The following PDE1A variants were observed in gnomAD, a reference collection of about 807,000 sequenced individuals.
The protein encoded by PDE1A is dual specificity calcium/calmodulin-dependent 3',5'-cyclic nucleotide phosphodiesterase 1A.
Under a neutral mutation model 61.7 loss-of-function variants are expected in PDE1A, and 35 were observed. That is an observed-to-expected ratio of 0.57 (90% CI 0.43 to 0.75). The LOEUF (loss-of-function observed/expected upper bound fraction) is 0.75. PDE1A is among the 30% of genes least tolerant of loss of function. The pLI, the probability that PDE1A is intolerant of heterozygous loss-of-function variation, is 0.00. For missense variants in PDE1A, 597 were observed against 630.6 expected (o/e 0.95, Z 0.57); for synonymous variants, 232 against 213.2 (o/e 1.09, Z -0.77).
At chr2:182,300,234 T>A (rs1695151863) in intron 1 of PDE1A, among the ~76,000 whole-genome samples, 1 of 152,164 alleles carries the variant, frequency 6.6e-6, no homozygotes, top group Admixed American at 6.5e-5. Context: ...AAGCCTAATA[T>A]AACAAATATA....
At chr2:182,489,564 A>G (rs1688249112) in intron 2 of PDE1A, among the ~76,000 whole-genome samples, 1 of 152,156 alleles carries the variant, frequency 6.6e-6, no homozygotes, top group Admixed American at 6.5e-5. Flanking sequence ...GTAAGAAGTG[A>G]TTGGATTCTA....
chr2:182,288,618 C>T (rs193213916), intron 1 of PDE1A, among the ~76,000 whole-genome samples: 63 of 152,136 alleles, frequency 4.1e-4, no homozygotes, highest in Middle Eastern at 3.4e-3. Flanking sequence ...CTGTGGAAGA[C>T]ACCACAGAAA....
At chr2:182,462,665 A>G (rs1056781274) in intron 2 of PDE1A, among the ~76,000 whole-genome samples, 4 of 152,112 alleles carry the variant, frequency 2.6e-5, no homozygotes, top group Admixed American at 2.6e-4. Context: ...GGGAAAAAAA[A>G]GGGTGTAAGC....
intron 13 of PDE1A, among the ~76,000 whole-genome samples, chr2:182,152,113 T>A (rs771189028): frequency 1.3e-5 from 2 of 152,224 alleles, no homozygotes; most frequent in Non-Finnish European, 2.9e-5. Context: ...CACTGCATTC[T>A]TATTTTTTCA....
At chr2:182,153,387 A>G (rs1373973527) in intron 13 of PDE1A, among the ~76,000 whole-genome samples, 2 of 152,220 alleles carry the variant, frequency 1.3e-5, no homozygotes, top group African/African-American at 4.8e-5. Context: ...GTTGAAAAGA[A>G]AAATGATATG....
At chr2:182,681,535 T>C in the PDE1A span, among the ~76,000 whole-genome samples, 1 of 148,844 alleles carries the variant, frequency 6.7e-6, no homozygotes, top group Non-Finnish European at 1.5e-5. Flanking sequence ...CTTTGAACAC[T>C]ACAGTGATGT....
intron 1 of PDE1A, among the ~76,000 whole-genome samples, chr2:182,421,703 A>G (rs572318588): frequency 6.6e-6 from 1 of 152,286 alleles, no homozygotes; most frequent in South Asian, 2.1e-4. Flanking sequence ...TACTTTTATC[A>G]CAACTGGAAA....
At chr2:182,356,246 A>G (rs942393851) in intron 1 of PDE1A, among the ~76,000 whole-genome samples, 30 of 152,188 alleles carry the variant, frequency 2.0e-4, no homozygotes, top group African/African-American at 7.2e-4. Flanking sequence ...GGAATTCAAG[A>G]AAGAAGACAT....
the PDE1A span, among the ~76,000 whole-genome samples, chr2:182,625,599 A>C: frequency 6.6e-6 from 1 of 152,200 alleles, no homozygotes; most frequent in African/African-American, 2.4e-5. Flanking sequence ...GAATGGATGG[A>C]TACAAGACCA....
At chr2:182,705,528 C>T in the PDE1A span, among the ~76,000 whole-genome samples, 42 of 151,440 alleles carry the variant, frequency 2.8e-4, no homozygotes, top group Non-Finnish European at 5.9e-5. Flanking sequence ...TTTTGGGGGA[C>T]GGAATCTCGC....
At chr2:182,208,435 G>A (rs1285429656) in intron 7 of PDE1A, among the ~76,000 whole-genome samples, 1 of 152,100 alleles carries the variant, frequency 6.6e-6, no homozygotes, top group Non-Finnish European at 1.5e-5. Context: ...GAACAGCATG[G>A]GAGAAGCTGT....
At chr2:182,408,065 T>C (rs1702402309) in intron 1 of PDE1A, among the ~76,000 whole-genome samples, 2 of 149,096 alleles carry the variant, frequency 1.3e-5, no homozygotes, top group Non-Finnish European at 3.0e-5. Context: ...GTGATGATAA[T>C]AAAAAGGAGA....
chr2:182,431,216 T>C (rs1703935057), upstream of PDE1A, among the ~76,000 whole-genome samples: 1 of 151,378 alleles, frequency 6.6e-6, no homozygotes, highest in Non-Finnish European at 1.5e-5. Context: ...ATGATTAGAG[T>C]ACCTCACACA....
At chr2:182,296,838 T>C (rs1345342420) in intron 1 of PDE1A, among the ~76,000 whole-genome samples, 2 of 152,188 alleles carry the variant, frequency 1.3e-5, no homozygotes, top group African/African-American at 2.4e-5. Flanking sequence ...CATCAATCCA[T>C]TGAAGGCCTG....
chr2:182,424,470 T>C (rs1703479955), intron 1 of PDE1A, among the ~76,000 whole-genome samples: 1 of 152,108 alleles, frequency 6.6e-6, no homozygotes, highest in Non-Finnish European at 1.5e-5. Flanking sequence ...CATGGGTCTC[T>C]GAAAAGTCAG....
At chr2:182,186,158 A>G in intron 12 of PDE1A, 79 bp from the exon 13 acceptor site, 1 of 1,459,182 alleles carries the variant, frequency 6.9e-7, no homozygotes, top group Admixed American at 2.1e-5. Context: ...AACTTTACAA[A>G]ACCGACTAGA....
At chr2:182,217,890 A>G (rs1266280569) in intron 7 of PDE1A, among the ~76,000 whole-genome samples, 1 of 152,038 alleles carries the variant, frequency 6.6e-6, no homozygotes, top group Non-Finnish European at 1.5e-5. Flanking sequence ...AACTGGAAAT[A>G]CCATTCGACC....
the PDE1A span, among the ~76,000 whole-genome samples, chr2:182,671,495 C>T: frequency 6.7e-6 from 1 of 149,622 alleles, no homozygotes; most frequent in Non-Finnish European, 1.5e-5. Context: ...GCCTGGATCA[C>T]GCTTTTGAGT....
chr2:182,314,508 C>T (rs1317603157), intron 1 of PDE1A: 1 of 152,152 alleles, frequency 6.6e-6, no homozygotes, highest in Non-Finnish European at 1.5e-5. Context: ...ATAGCCATTG[C>T]ACTCCAGCCT....
Sources: allele counts gnomAD v4.1 joint callset (sites outside exome capture counted in the v4.1 genomes callset), GRCh38; gene constraint gnomAD v4.1.1; transcripts MANE v1.5; gene names NCBI Gene and HGNC (gene_info 2026-07-23, HGNC 2026-07-21).